The following IGF2BP3 variants were observed in gnomAD, a reference collection of about 807,000 sequenced individuals.
IGF2BP3 encodes insulin like growth factor 2 mRNA binding protein 3.
In IGF2BP3, 9 loss-of-function variants were observed where a neutral mutation model predicts 73.8. The ratio of observed to expected loss-of-function variants is 0.12; its 90% CI spans 0.07 to 0.21. The LOEUF (loss-of-function observed/expected upper bound fraction) is 0.21, where lower values mean the gene tolerates loss of function less well. Among genes scored for constraint, IGF2BP3 ranks in the 10% least tolerant of loss-of-function variants. IGF2BP3 has a pLI of 1.00. For synonymous variants in IGF2BP3, 258 were observed against 256.7 expected, an observed-to-expected ratio of 1.01 and a Z score of -0.05; for missense variants, 542 against 714.0, an observed-to-expected ratio of 0.76 and a Z score of 2.75.
chr7:23,424,454 A>C (rs1363256069), intron 2 of IGF2BP3, among the ~76,000 whole-genome samples: 1 of 152,194 alleles, frequency 6.6e-6, no homozygotes, highest in East Asian at 1.9e-4. Context: ...CCGAGATCGC[A>C]CCACTGCACT....
chr7:23,407,538 G>T (rs1427564999), intron 3 of IGF2BP3, among the ~76,000 whole-genome samples: 11 of 150,930 alleles, frequency 7.3e-5, no homozygotes, highest in Admixed American at 7.3e-4. Flanking sequence ...GAACCAGGAG[G>T]CAGAGGTTGT....
chr7:23,468,451 A>T (rs773081651), intron 2 of IGF2BP3, 31 bp downstream of exon 2: 1 of 1,612,312 alleles, frequency 6.2e-7, no homozygotes, highest in African/African-American at 1.3e-5. Flanking sequence ...GAGTGAGAAC[A>T]GAATCGGGGC....
chr7:23,462,098 TCCTTTTAGC>T (rs1388007010), intron 2 of IGF2BP3, among the ~76,000 whole-genome samples: 2 of 152,200 alleles, frequency 1.3e-5, no homozygotes, highest in African/African-American at 2.4e-5. Flanking sequence ...GATTCCCTGG[TCCTTTTAGC>T]CCAGTTTAGT....
At chr7:23,390,793 T>C (rs143280232) in intron 3 of IGF2BP3, among the ~76,000 whole-genome samples, 1,633 of 150,968 alleles carry the variant, frequency 0.011, 36 homozygotes, top group African/African-American at 0.037. Flanking sequence ...CTTGGATTTA[T>C]TGTTGCCTTT....
chr7:23,314,122 C>G (rs1006987899), intron 12 of IGF2BP3, among the ~76,000 whole-genome samples: 1 of 151,174 alleles, frequency 6.6e-6, no homozygotes, highest in African/African-American at 2.4e-5. Context: ...TGGGCTCAAG[C>G]GATCCTCCTA....
chr7:23,330,406 C>T (rs1302408199), intron 10 of IGF2BP3, among the ~76,000 whole-genome samples: 3 of 151,278 alleles, frequency 2.0e-5, no homozygotes, highest in Non-Finnish European at 2.9e-5. Flanking sequence ...AAGAAAAGTG[C>T]CCACTAGAAC....
chr7:23,340,118 G>C (rs1019648779), intron 10 of IGF2BP3, among the ~76,000 whole-genome samples: 2 of 152,086 alleles, frequency 1.3e-5, no homozygotes, highest in Non-Finnish European at 2.9e-5. Context: ...AGAGGCAGTG[G>C]GCCAGACCTG....
intron 5 of IGF2BP3, among the ~76,000 whole-genome samples, chr7:23,355,111 G>A (rs1481810157): frequency 6.6e-6 from 1 of 152,150 alleles, no homozygotes; most frequent in Non-Finnish European, 1.5e-5. Flanking sequence ...TGCAAGACAT[G>A]AGATGAACGA....
intron 2 of IGF2BP3, among the ~76,000 whole-genome samples, chr7:23,459,170 G>C (rs1350684646): frequency 6.6e-6 from 1 of 152,118 alleles, no homozygotes; most frequent in Admixed American, 6.6e-5. Context: ...GTCTCGAAAG[G>C]AGTTATTCAG....
intron 3 of IGF2BP3, among the ~76,000 whole-genome samples, chr7:23,361,945 A>T (rs1785240499): frequency 6.6e-6 from 1 of 152,222 alleles, no homozygotes; most frequent in Non-Finnish European, 1.5e-5. Flanking sequence ...GATCCCTGAC[A>T]TTAATCTCAT....
intron 2 of IGF2BP3, among the ~76,000 whole-genome samples, chr7:23,425,978 CAA>C (rs140294159): frequency 1.3e-5 from 2 of 150,038 alleles, no homozygotes; most frequent in Non-Finnish European, 3.0e-5. Context: ...AAAAAACAAA[CAA>C]AAAAACCCTG....
chr7:23,343,607 T>G lies in IGF2BP3; in HGVS notation c.1077+111A>C. 2.8e-6 allele frequency: 3 copies of G among 1,060,756 alleles called. No homozygotes were observed. The South Asian group carries it at 4.3e-5, about 15-fold the overall frequency. 65.7% of individuals were successfully genotyped at this position (1,060,756 alleles called of 1,614,324 possible). ...ACTTGCTGAGGTGCTAAAAATCAAC[T>G]AGAACTACTTCTAGTGATAATGCCA... On this transcript the variant is annotated intron_variant, in intron 9 of 14. Transcript: ENST00000258729.
chr7:23,375,487 G>C (rs1200177372), intron 3 of IGF2BP3, among the ~76,000 whole-genome samples: 1 of 152,126 alleles, frequency 6.6e-6, no homozygotes, highest in Non-Finnish European at 1.5e-5. Flanking sequence ...AAAATGCAAA[G>C]GCTAGAGAAT....
intron 3 of IGF2BP3, among the ~76,000 whole-genome samples, chr7:23,388,648 C>G (rs1489895940): frequency 6.7e-6 from 1 of 149,638 alleles, no homozygotes; most frequent in African/African-American, 2.5e-5. Context: ...GAACATTCCC[C>G]AAGGGAGGAG....
intron 3 of IGF2BP3, among the ~76,000 whole-genome samples, chr7:23,407,007 A>G (rs200136684): frequency 6.6e-6 from 1 of 152,124 alleles, no homozygotes; most frequent in Non-Finnish European, 1.5e-5. Flanking sequence ...AGTTATTAGA[A>G]ATCAATAAAA....
chr7:23,320,767 G>T (rs1031512349), intron 10 of IGF2BP3, among the ~76,000 whole-genome samples: 1 of 151,202 alleles, frequency 6.6e-6, no homozygotes, highest in Non-Finnish European at 1.5e-5. Flanking sequence ...GGGCAACATG[G>T]CAAAACCCCA....
intron 3 of IGF2BP3, among the ~76,000 whole-genome samples, chr7:23,382,894 CAAAA>C (rs57466793): frequency 2.0e-5 from 1 of 49,112 alleles, no homozygotes. Context: ...CTAGCTCTAC[CAAAA>C]AAAAAAAAAA....
rs139710568 is a variant in IGF2BP3 at position 23,407,570 on chromosome 7, C to T, written c.285+11206G>A. 3.8e-3 allele frequency among the ~76,000 whole-genome samples: 557 copies of T among 147,090 alleles called. 7 individuals are homozygous for T. The highest frequency in any genetic ancestry group is 0.013 in the African/African-American group (501 of 39,668). Reference sequence around the variant, plus strand: ...TTGTGGTGAGCCAAGATTGGGCCATCGCACTCCGGCCTGGGCAACAAAAGC... The same window carrying T: ...TTGTGGTGAGCCAAGATTGGGCCATTGCACTCCGGCCTGGGCAACAAAAGC... On this transcript the variant is annotated intron_variant, in intron 3 of 14. Transcript: ENST00000258729.
At chr7:23,331,909 G>T (rs1403400540) in intron 10 of IGF2BP3, among the ~76,000 whole-genome samples, 12 of 151,924 alleles carry the variant, frequency 7.9e-5, no homozygotes, top group African/African-American at 2.9e-4. Flanking sequence ...TCAGTTGGCT[G>T]GGCAGGCCTC....
Sources: gnomAD v4.1 joint callset for allele counts (sites outside exome capture counted in the v4.1 genomes callset) on GRCh38, gnomAD v4.1.1 for gene constraint, MANE v1.5 for transcripts, NCBI Gene and HGNC (gene_info 2026-07-23, HGNC 2026-07-21) for gene names.